PIGU: variants seen among roughly 807,000 people sequenced by gnomAD.
The protein encoded by PIGU is GPI-anchor transamidase component PIGU.
In PIGU, 24 loss-of-function variants were observed where a neutral mutation model predicts 49.9. The observed-to-expected ratio is 0.48, with a 90% CI of 0.35 to 0.68. PIGU has a LOEUF of 0.68. PIGU is among the 30% of genes least tolerant of loss of function. The probability of loss-of-function intolerance (pLI) is 0.01; values close to 1 mark genes in which losing one functional copy is unlikely to be tolerated. For synonymous variants in PIGU, 220 were observed against 205.7 expected (o/e 1.07, Z -0.59); for missense variants, 490 against 532.6 (o/e 0.92, Z 0.79).
At chr20:34,567,378 G>T (rs531571163) in intron 11 of PIGU, among the ~76,000 whole-genome samples, 1 of 152,320 alleles carries the variant, frequency 6.6e-6, no homozygotes, top group East Asian at 1.9e-4. Context: ...GGTCTGAGAG[G>T]TCACAAGGTG....
chr20:34,616,013 G>A (rs1332087178), intron 7 of PIGU, 29 bp downstream of exon 7: 4 of 1,585,928 alleles, frequency 2.5e-6, no homozygotes, highest in Non-Finnish European at 3.4e-6. Context: ...TGTCACTTGG[G>A]TGCTGGCTTC....
At chr20:34,616,213 C>T (rs1247148528) in intron 6 of PIGU, 74 bp from the exon 7 acceptor site, 9 of 1,516,330 alleles carry the variant, frequency 5.9e-6, no homozygotes, top group Non-Finnish European at 8.0e-6. Flanking sequence ...TCCCTCTCAA[C>T]ACAAAACTTT....
At chr20:34,671,814 G>A (rs1270589779) in intron 1 of PIGU, among the ~76,000 whole-genome samples, 1 of 151,910 alleles carries the variant, frequency 6.6e-6, no homozygotes, top group Non-Finnish European at 1.5e-5. Context: ...AGCTACTCAG[G>A]AGGCTAAGAC....
chr20:34,674,272 C>A (rs1987417832), intron 1 of PIGU, among the ~76,000 whole-genome samples: 2 of 149,074 alleles, frequency 1.3e-5, no homozygotes, highest in Non-Finnish European at 3.0e-5. Context: ...AGATAACAGC[C>A]TGAACCTGGG....
intron 1 of PIGU, among the ~76,000 whole-genome samples, chr20:34,665,778 T>A (rs1320308533): frequency 2.0e-5 from 3 of 152,078 alleles, no homozygotes; most frequent in African/African-American, 7.2e-5. Context: ...ACATAGATGT[T>A]TCATCTATGT....
At chr20:34,603,063 T>G (rs1011110160) in intron 7 of PIGU, among the ~76,000 whole-genome samples, 1 of 152,076 alleles carries the variant, frequency 6.6e-6, no homozygotes, top group Non-Finnish European at 1.5e-5. Context: ...TTACAATTCA[T>G]ATGTTACAGA....
intron 7 of PIGU, among the ~76,000 whole-genome samples, chr20:34,601,653 T>C (rs1984429154): frequency 6.6e-6 from 1 of 152,208 alleles, no homozygotes; most frequent in South Asian, 2.1e-4. Context: ...ACTCTAAGAC[T>C]ACTTTAACCT....
At chr20:34,673,776 C>T (rs759858082) in intron 1 of PIGU, among the ~76,000 whole-genome samples, 4 of 152,186 alleles carry the variant, frequency 2.6e-5, no homozygotes, top group African/African-American at 7.2e-5. Flanking sequence ...ACAGCTTGGC[C>T]GGGCGTGGTG....
At chr20:34,570,090 G>A (rs1356484955) in intron 11 of PIGU, among the ~76,000 whole-genome samples, 1 of 152,144 alleles carries the variant, frequency 6.6e-6, no homozygotes, top group Non-Finnish European at 1.5e-5. Context: ...AATGTAAAGG[G>A]CTGTCAGTAG....
intron 6 of PIGU, 57 bp from the exon 7 acceptor site, chr20:34,616,196 C>T (rs764000268): frequency 6.4e-7 from 1 of 1,566,124 alleles, no homozygotes; most frequent in Non-Finnish European, 8.7e-7. Flanking sequence ...TGATTAGACT[C>T]AGCAAGTCCC....
intron 11 of PIGU, among the ~76,000 whole-genome samples, chr20:34,566,047 C>CTCT (rs1385620298): frequency 6.6e-6 from 1 of 151,988 alleles, no homozygotes; most frequent in African/African-American, 2.4e-5. Context: ...CATACACGCA[C>CTCT]GCTCTCACTG....
chr20:34,596,540 GCAA>G (rs1164955305), intron 7 of PIGU, among the ~76,000 whole-genome samples: 5 of 152,118 alleles, frequency 3.3e-5, no homozygotes, highest in Non-Finnish European at 1.5e-5. Flanking sequence ...TACTATTTTT[GCAA>G]CTTTTCCGTA....
chr20:34,585,337 A>C (rs1983654588), intron 9 of PIGU, 100 bp downstream of exon 9: 2 of 1,379,556 alleles, frequency 1.4e-6, no homozygotes, highest in African/African-American at 2.9e-5. Context: ...TAAACCTGAC[A>C]GCAGGTGCTC....
chr20:34,623,890 T>C (rs1409538145), intron 6 of PIGU, among the ~76,000 whole-genome samples: 1 of 152,134 alleles, frequency 6.6e-6, no homozygotes. Context: ...TTGAGTCCTC[T>C]ATGACTCCTT....
intron 1 of PIGU, among the ~76,000 whole-genome samples, chr20:34,674,346 A>C (rs943330153): frequency 1.1e-4 from 17 of 151,894 alleles, no homozygotes; most frequent in African/African-American, 4.1e-4. Flanking sequence ...CAAGAGCAAA[A>C]TTCTGTCTCA....
intron 11 of PIGU, 143 bp downstream of exon 11, chr20:34,574,961 G>A: frequency 1.8e-6 from 2 of 1,118,586 alleles, no homozygotes; most frequent in East Asian, 2.4e-5. Flanking sequence ...CGTCCTCACT[G>A]ACTGGGAGCT....
At chr20:34,665,941 G>A (rs1987075857) in intron 1 of PIGU, among the ~76,000 whole-genome samples, 1 of 151,976 alleles carries the variant, frequency 6.6e-6, no homozygotes, top group Non-Finnish European at 1.5e-5. Context: ...ATCTCAATAC[G>A]TTGGGAGGCC....
intron 11 of PIGU, among the ~76,000 whole-genome samples, chr20:34,561,690 C>T (rs915994795): frequency 3.9e-5 from 6 of 152,116 alleles, no homozygotes; most frequent in Non-Finnish European, 8.8e-5. Flanking sequence ...GGGCAAAGCT[C>T]GAACTCCCTC....
chr20:34,574,537 A>T lies in PIGU; in HGVS notation c.1194+567T>A, dbSNP rs532979551. Among the ~76,000 whole-genome samples the T allele has an allele frequency of 2.6e-5, 4 of 152,218 alleles. No homozygotes were observed. In the South Asian group the frequency reaches 8.3e-4, roughly 32 times the overall value. On this transcript the variant is annotated intron_variant, in intron 11 of 11. Transcript: ENST00000217446. ...CTGGTACTCCTCAGCCTGTGACCACAGCCTCCTCTCCACCGCTCCCAGCCA... is the reference window on the plus strand; with the variant it reads ...CTGGTACTCCTCAGCCTGTGACCACTGCCTCCTCTCCACCGCTCCCAGCCA...
Sources: gnomAD v4.1 joint callset for allele counts (sites outside exome capture counted in the v4.1 genomes callset) on GRCh38, gnomAD v4.1.1 for gene constraint, MANE v1.5 for transcripts, NCBI Gene and HGNC (gene_info 2026-07-23, HGNC 2026-07-21) for gene names.